Variants in DOCK3 observed in about 807,000 individuals in gnomAD.
DOCK3 encodes dedicator of cytokinesis 3, also known as dedicator of cytokinesis protein 3.
Under a neutral mutation model 265.6 loss-of-function variants are expected in DOCK3, and 60 were observed. That is an observed-to-expected ratio of 0.23 (90% CI 0.18 to 0.28). The LOEUF is 0.28. Among genes scored for constraint, DOCK3 ranks in the 10% least tolerant of loss-of-function variants. The pLI, the probability that DOCK3 is intolerant of heterozygous loss-of-function variation, is 1.00. For synonymous variants in DOCK3, 881 were observed against 938.0 expected, an observed-to-expected ratio of 0.94 and a Z score of 1.11; for missense variants, 1,981 against 2,594.3, an observed-to-expected ratio of 0.76 and a Z score of 5.14.
chr3:51,162,434 T>C (rs2086184471), intron 12 of DOCK3, among the ~76,000 whole-genome samples: 1 of 152,200 alleles, frequency 6.6e-6, no homozygotes, highest in African/African-American at 2.4e-5. Context: ...TTGGCTGGTT[T>C]TCTCCTCCTT....
At chr3:50,996,661 A>C (rs533542620) in intron 5 of DOCK3, among the ~76,000 whole-genome samples, 1 of 152,162 alleles carries the variant, frequency 6.6e-6, no homozygotes, top group East Asian at 1.9e-4. Flanking sequence ...TGGGGGGAAA[A>C]CTGTGTAACG....
chr3:51,368,122 G>A (rs1482402445), intron 49 of DOCK3, among the ~76,000 whole-genome samples: 1 of 152,136 alleles, frequency 6.6e-6, no homozygotes, highest in Non-Finnish European at 1.5e-5. Flanking sequence ...TCATGAATAG[G>A]AACACAACGA....
intron 35 of DOCK3, among the ~76,000 whole-genome samples, chr3:51,334,286 T>G (rs1233215043): frequency 6.6e-6 from 1 of 152,212 alleles, no homozygotes; most frequent in Non-Finnish European, 1.5e-5. Flanking sequence ...AGGTGCCTTT[T>G]GGGAGCCTGG....
intron 25 of DOCK3, among the ~76,000 whole-genome samples, chr3:51,275,750 T>C (rs187062422): frequency 6.7e-4 from 102 of 152,276 alleles, no homozygotes; most frequent in South Asian, 1.7e-3. Flanking sequence ...TCAACTGATA[T>C]TGCTTTTACC....
chr3:50,763,820 T>G (rs2040687595), intron 1 of DOCK3, among the ~76,000 whole-genome samples: 1 of 152,200 alleles, frequency 6.6e-6, no homozygotes, highest in Non-Finnish European at 1.5e-5. Flanking sequence ...TATTGATATT[T>G]TCAAAGAACT....
chr3:51,247,399 G>A (rs2078892305), intron 22 of DOCK3, among the ~76,000 whole-genome samples: 1 of 152,230 alleles, frequency 6.6e-6, no homozygotes, highest in African/African-American at 2.4e-5. Context: ...ACAGGGGACT[G>A]TTCTCATTTT....
chr3:50,791,054 G>A (rs2042450602), intron 2 of DOCK3, among the ~76,000 whole-genome samples: 1 of 151,914 alleles, frequency 6.6e-6, no homozygotes, highest in South Asian at 2.1e-4. Flanking sequence ...CTCCCATTCT[G>A]TAGGTTGTTT....
chr3:50,807,076 G>A (rs1056124858), intron 2 of DOCK3, among the ~76,000 whole-genome samples: 3 of 152,136 alleles, frequency 2.0e-5, no homozygotes, highest in African/African-American at 7.2e-5. Flanking sequence ...CCTTTACACT[G>A]CATTCTTCGG....
chr3:50,984,489 G>C (rs1476427801), intron 5 of DOCK3, among the ~76,000 whole-genome samples: 1 of 152,138 alleles, frequency 6.6e-6, no homozygotes, highest in Non-Finnish European at 1.5e-5. Context: ...GGATAGCTTT[G>C]CTTCATATAG....
At chr3:50,702,395 GCT>G (rs1271559982) in intron 1 of DOCK3, among the ~76,000 whole-genome samples, 1 of 151,818 alleles carries the variant, frequency 6.6e-6, no homozygotes, top group African/African-American at 2.4e-5. Flanking sequence ...ATAGAGTCTT[GCT>G]CTGTCACCCA....
intron 4 of DOCK3, among the ~76,000 whole-genome samples, chr3:50,899,459 G>A (rs920636995): frequency 1.3e-5 from 2 of 152,068 alleles, no homozygotes; most frequent in African/African-American, 4.8e-5. Flanking sequence ...TTTAATTGGG[G>A]CATTTAGCCC....
intron 4 of DOCK3, among the ~76,000 whole-genome samples, chr3:50,897,497 T>G (rs1296991859): frequency 1.3e-5 from 2 of 152,122 alleles, no homozygotes; most frequent in Non-Finnish European, 2.9e-5. Flanking sequence ...TGATTGCCCT[T>G]GCCAGAACTT....
intron 2 of DOCK3, among the ~76,000 whole-genome samples, chr3:50,841,163 A>G (rs1374734656): frequency 1.3e-5 from 2 of 152,184 alleles, no homozygotes; most frequent in Non-Finnish European, 2.9e-5. Flanking sequence ...TGAAACTTTT[A>G]TTAGTATTGC....
intron 5 of DOCK3, among the ~76,000 whole-genome samples, chr3:51,008,647 A>G (rs193236382): frequency 6.6e-6 from 1 of 152,324 alleles, no homozygotes; most frequent in Admixed American, 6.5e-5. Context: ...TGCCCTGGCC[A>G]GAACTTCCAA....
intron 26 of DOCK3, chr3:51,278,622 A>G (rs2080946195): frequency 1.2e-6 from 1 of 803,802 alleles, no homozygotes; most frequent in Non-Finnish European, 1.5e-6. Flanking sequence ...AAACATATAT[A>G]TATATATATA....
chr3:50,679,123 A>G (rs1378949679), intron 1 of DOCK3, among the ~76,000 whole-genome samples: 1 of 152,048 alleles, frequency 6.6e-6, no homozygotes, highest in African/African-American at 2.4e-5. Flanking sequence ...TTGCCTGGCT[A>G]ATTTTTAAAT....
At chr3:50,951,771 G>C (rs774824193) in intron 5 of DOCK3, among the ~76,000 whole-genome samples, 1 of 150,736 alleles carries the variant, frequency 6.6e-6, no homozygotes, top group African/African-American at 2.4e-5. Flanking sequence ...TGTTAAAGGA[G>C]ATTATACAAT....
At chr3:51,301,838 GTTTTACTTCC>G (rs2082376512) in intron 27 of DOCK3, among the ~76,000 whole-genome samples, 1 of 152,102 alleles carries the variant, frequency 6.6e-6, no homozygotes, top group Non-Finnish European at 1.5e-5. Flanking sequence ...ACTGAGGAGT[GTTTTACTTCC>G]AATTATGTTA....
At chr3:50,770,982 A>C (rs982822220) in intron 1 of DOCK3, among the ~76,000 whole-genome samples, 1 of 152,222 alleles carries the variant, frequency 6.6e-6, no homozygotes, top group Non-Finnish European at 1.5e-5. Flanking sequence ...TACAACCTCA[A>C]ACTATGAAGC....
Sources: allele counts gnomAD v4.1 joint callset (sites outside exome capture counted in the v4.1 genomes callset), GRCh38; gene constraint gnomAD v4.1.1; transcripts MANE v1.5; gene names NCBI Gene and HGNC (gene_info 2026-07-23, HGNC 2026-07-21).